Variants in RHEX observed in about 807,000 individuals in gnomAD.
The protein encoded by RHEX is regulator of hemoglobinization and erythroid cell expansion protein.
In RHEX, 18 loss-of-function variants were observed where a neutral mutation model predicts 20.1. The observed-to-expected ratio is 0.90, with a 90% CI of 0.62 to 1.33. The LOEUF is 1.33. RHEX is among the 40% of genes most tolerant of loss of function. RHEX has a pLI of 0.00. For synonymous variants in RHEX, 87 were observed against 77.1 expected, an observed-to-expected ratio of 1.13 and a Z score of -0.67; for missense variants, 192 against 214.3, an observed-to-expected ratio of 0.90 and a Z score of 0.65.
intron 1 of RHEX, among the ~76,000 whole-genome samples, chr1:206,075,698 T>A (rs1662623421): frequency 1.3e-5 from 2 of 151,982 alleles, no homozygotes; most frequent in Non-Finnish European, 2.9e-5. Context: ...CCTCCTGGGT[T>A]CAAGCGATTC....
rs1439129152 is a variant in RHEX at position 206,069,787 on chromosome 1, T to C, written c.-97+16522T>C. On this transcript the variant is annotated intron_variant, in intron 1 of 5. Coordinates refer to ENST00000331555, the MANE Select transcript of RHEX (RefSeq NM_001007544.4). ...TTCTTCCTACCAGATACAGCTGCTCTACAACTTTCGAGGGCTGGTATAAAA... is the reference window on the plus strand; with the variant it reads ...TTCTTCCTACCAGATACAGCTGCTCCACAACTTTCGAGGGCTGGTATAAAA... Among the ~76,000 whole-genome samples, 5 of 152,342 alleles carry C rather than the reference T, an allele frequency of 3.3e-5. No homozygotes were observed. In the East Asian group the frequency reaches 9.6e-4, roughly 29 times the overall value.
intron 1 of RHEX, among the ~76,000 whole-genome samples, chr1:206,058,455 A>G (rs1439071661): frequency 6.9e-6 from 1 of 144,502 alleles, no homozygotes; most frequent in Non-Finnish European, 1.5e-5. Context: ...ACCCTCTCAT[A>G]TTGTTTTATA....
chr1:206,099,891 A>C, intron 4 of RHEX, 93 bp downstream of exon 4: 3 of 1,204,118 alleles, frequency 2.5e-6, no homozygotes, highest in Non-Finnish European at 3.6e-6. Flanking sequence ...CATGGGCCCA[A>C]ACCTCTAGCC....
chr1:206,090,538 C>A (rs1332007224), intron 1 of RHEX, among the ~76,000 whole-genome samples: 1 of 152,040 alleles, frequency 6.6e-6, no homozygotes, highest in South Asian at 2.1e-4. Flanking sequence ...AATTTCCACT[C>A]TTTTTGATTG....
intron 1 of RHEX, among the ~76,000 whole-genome samples, chr1:206,089,866 G>A (rs571640762): frequency 2.6e-5 from 4 of 151,736 alleles, no homozygotes; most frequent in Non-Finnish European, 5.9e-5. Context: ...TCTCTCATCT[G>A]GGGATTTAAC....
chr1:206,090,455 CCTT>C (rs1425241309), intron 1 of RHEX, among the ~76,000 whole-genome samples: 2 of 152,048 alleles, frequency 1.3e-5, no homozygotes, highest in African/African-American at 4.8e-5. Context: ...GATCCACCCT[CCTT>C]GGCCTCCCAA....
chr1:206,056,683 A>T (rs534147218), intron 1 of RHEX, among the ~76,000 whole-genome samples: 1 of 152,356 alleles, frequency 6.6e-6, no homozygotes, highest in East Asian at 1.9e-4. Context: ...CAAGAAAGGT[A>T]ATAGCTAGAA....
chr1:206,064,139 G>A (rs1177341820), intron 1 of RHEX, among the ~76,000 whole-genome samples: 3 of 148,662 alleles, frequency 2.0e-5, no homozygotes, highest in African/African-American at 7.5e-5. Flanking sequence ...TGAGAAGTGA[G>A]GAGACCCTCC....
At position 206,101,864 on chromosome 1, in the gene RHEX, T is replaced by A. The variant is rs1553288482; in HGVS notation, c.431T>A (p.Val144Asp). ...NIKEITDYVN[V>D]NPERHKPSFW... Reference sequence around the variant, plus strand: ...AAGGAAATCACAGATTATGTCAATGTCAATCCAGAAAGACACAAGCCCAGT... The same window carrying A: ...AAGGAAATCACAGATTATGTCAATGACAATCCAGAAAGACACAAGCCCAGT... The change falls in exon 6 of 6, where the codon GTC becomes GAC. Residue 144 changes from valine (V) to aspartate (D), a missense_variant. Val to Asp is a radical substitution (Grantham distance 152, BLOSUM62 -3). Transcript: ENST00000331555. 6.2e-7 allele frequency: 1 copy of A among 1,614,072 alleles called. No homozygotes were observed. Among genetic ancestry groups the A allele is most frequent in the Non-Finnish European group, 8.5e-7 (1 of 1,179,952 alleles).
At chr1:206,075,509 A>G (rs984961594) in intron 1 of RHEX, among the ~76,000 whole-genome samples, 1 of 152,078 alleles carries the variant, frequency 6.6e-6, no homozygotes, top group African/African-American at 2.4e-5. Context: ...TTTTTAAACT[A>G]TTGTGGTGAC....
chr1:206,087,010 AG>A (rs1356887748), intron 1 of RHEX, among the ~76,000 whole-genome samples: 1 of 152,210 alleles, frequency 6.6e-6, no homozygotes, highest in Non-Finnish European at 1.5e-5. Context: ...CCCTGTCTAA[AG>A]AAAAGAAAAA....
intron 1 of RHEX, among the ~76,000 whole-genome samples, chr1:206,083,320 T>C (rs1662774450): frequency 1.3e-5 from 2 of 152,212 alleles, no homozygotes; most frequent in South Asian, 4.1e-4. Flanking sequence ...GCGTGTGTAT[T>C]TGTGGTATCT....
chr1:206,069,051 G>A (rs1553284431), intron 1 of RHEX, among the ~76,000 whole-genome samples: 2 of 152,192 alleles, frequency 1.3e-5, no homozygotes, highest in Non-Finnish European at 2.9e-5. Flanking sequence ...CTTTCTGGTT[G>A]CCTTGATTTG....
chr1:206,099,789 C>A lies in RHEX; in HGVS notation c.247C>A (p.Leu83Ile). 1 of 1,614,010 alleles carries A rather than the reference C, an allele frequency of 6.2e-7. No individual in the cohort carries two copies. The highest frequency in any genetic ancestry group is 8.5e-7 in the Non-Finnish European group (1 of 1,179,938). ...GAGAGACATCCCAATGTCTGATTCC[C>A]TTTACAGGCGTGAGTAAGGGGTTGG... ...TERDIPMSDS[L>I]YRHDSDTPSD... Residue 83 changes from leucine (L) to isoleucine (I), a missense_variant, in exon 4 of 6, where the codon CTT (leucine) becomes ATT (isoleucine). Physicochemically the swap from Leu to Ile is conservative, Grantham distance 5 (BLOSUM62 2). Transcript: ENST00000331555.
chr1:206,064,093 G>C (rs1192342612), intron 1 of RHEX, among the ~76,000 whole-genome samples: 1 of 149,278 alleles, frequency 6.7e-6, no homozygotes, highest in South Asian at 2.1e-4. Context: ...GACCCCGTCT[G>C]GGAGGTGAGG....
chr1:206,061,716 CAGA>C (rs1662313914), intron 1 of RHEX: 1 of 152,300 alleles, frequency 6.6e-6, no homozygotes, highest in African/African-American at 2.4e-5. Flanking sequence ...CCTGGCTCCC[CAGA>C]AGGAGGACGA....
chr1:206,058,882 G>A (rs77036841), intron 1 of RHEX, among the ~76,000 whole-genome samples: 27 of 151,568 alleles, frequency 1.8e-4, no homozygotes, highest in Non-Finnish European at 2.2e-4. Flanking sequence ...TCAGTGTCTG[G>A]GAGGTTTTGT....
At chr1:206,083,682 A>G (rs1334738117) in intron 1 of RHEX, 2 of 972,678 alleles carry the variant, frequency 2.1e-6, no homozygotes, top group East Asian at 1.1e-4. Flanking sequence ...AGGATTTTAA[A>G]TTAGTTTGAA....
chr1:206,074,023 C>A (rs536734177), intron 1 of RHEX, among the ~76,000 whole-genome samples: 1 of 152,276 alleles, frequency 6.6e-6, no homozygotes, highest in South Asian at 2.1e-4. Context: ...CTCACTGCCT[C>A]GTACCCGCTC....
Sources: gnomAD v4.1 joint callset for allele counts (sites outside exome capture counted in the v4.1 genomes callset) on GRCh38, gnomAD v4.1.1 for gene constraint, MANE v1.5 for transcripts, NCBI Gene and HGNC (gene_info 2026-07-23, HGNC 2026-07-21) for gene names.